CNTN4: variants seen among roughly 807,000 people sequenced by gnomAD.
The protein encoded by CNTN4 is contactin 4, also known as contactin-4.
In CNTN4, 77 loss-of-function variants were observed where a neutral mutation model predicts 122.5. The ratio of observed to expected loss-of-function variants is 0.63; its 90% confidence interval spans 0.52 to 0.76. The LOEUF is 0.76. Among genes scored for constraint, CNTN4 ranks in the 30% least tolerant of loss-of-function variants. The pLI, the probability that CNTN4 is intolerant of heterozygous loss-of-function variation, is 0.00. For synonymous variants in CNTN4, 512 were observed against 447.0 expected (o/e 1.15, Z -1.83); for missense variants, 1,256 against 1,259.1 (o/e 1.00, Z 0.04).
At chr3:2,704,071 C>T (rs546115993) in intron 4 of CNTN4, among the ~76,000 whole-genome samples, 27 of 151,392 alleles carry the variant, frequency 1.8e-4, no homozygotes, top group African/African-American at 6.1e-4. Context: ...GGCAGGCGGG[C>T]GGATCATTTG....
intron 2 of CNTN4, among the ~76,000 whole-genome samples, chr3:2,261,244 A>T: frequency 6.6e-6 from 1 of 152,094 alleles, no homozygotes; most frequent in East Asian, 1.9e-4. Context: ...CAGCATTTAT[A>T]CTATATTTGT....
chr3:2,363,979 T>C lies in CNTN4; in HGVS notation c.-89+24746T>C, dbSNP rs770821542. On this transcript the variant is annotated intron_variant, in intron 3 of 24. Coordinates refer to ENST00000418658, the MANE Select transcript of CNTN4 (RefSeq NM_175607.3). ...TTATATGATCTCTTCTTAACAATCA[T>C]TGGAGAATAGAATATTTATAACAGA... 2.6e-5 allele frequency among the ~76,000 whole-genome samples: 4 copies of C among 152,180 alleles called. No homozygotes were observed. In the East Asian group the frequency reaches 5.8e-4, roughly 22 times the overall value.
At chr3:2,862,406 T>A (rs1271300408) in intron 7 of CNTN4, among the ~76,000 whole-genome samples, 1 of 152,204 alleles carries the variant, frequency 6.6e-6, no homozygotes, top group Non-Finnish European at 1.5e-5. Flanking sequence ...ACCAATTAAG[T>A]GAGCTTCAGA....
At chr3:2,453,735 A>C (rs1297526124) in intron 3 of CNTN4, among the ~76,000 whole-genome samples, 2 of 152,184 alleles carry the variant, frequency 1.3e-5, no homozygotes, top group Non-Finnish European at 2.9e-5. Flanking sequence ...AATTCAGTTA[A>C]GACTTTATTT....
chr3:2,750,758 G>C (rs1303353199), intron 6 of CNTN4, among the ~76,000 whole-genome samples: 19 of 152,106 alleles, frequency 1.2e-4, no homozygotes, highest in Admixed American at 1.2e-3. Context: ...TAGATCCTCT[G>C]TGCCTGGCAC....
rs60033461 is a variant in CNTN4, at chr3:2,834,898, C to CTTTTTTTTTTTTTTCTTTT, written c.454+15331_454+15332insCTTTTTTTTTTTTTTTTTT. ...AAGCATTAAATTAGATAAAGGCAACCTTTTTTTTTTTTTTTTTTTTTTTTG... is the reference window on the plus strand; with the variant it reads ...AAGCATTAAATTAGATAAAGGCAACCTTTTTTTTTTTTTTCTTTTTTTTTTTTTTTTTTTTTTTTTTTTG... On this transcript the variant is annotated intron_variant, in intron 7 of 24. Transcript: ENST00000418658. Among the ~76,000 whole-genome samples the CTTTTTTTTTTTTTTCTTTT allele has an allele frequency of 7.1e-4, 43 of 60,458 alleles. 3 individuals are homozygous for CTTTTTTTTTTTTTTCTTTT. Among genetic ancestry groups the CTTTTTTTTTTTTTTCTTTT allele is most frequent in the African/African-American group, 3.2e-3 (42 of 13,268 alleles). 39.7% of individuals were successfully genotyped at this position (60,458 alleles called of 152,430 possible). A position where few individuals can be genotyped will look rare whatever the true frequency, so the allele number is the denominator to read the frequency against.
chr3:2,587,453 T>G (rs555589586), intron 4 of CNTN4, among the ~76,000 whole-genome samples: 18 of 152,212 alleles, frequency 1.2e-4, no homozygotes, highest in Non-Finnish European at 1.8e-4. Context: ...AATTTTCAAG[T>G]GGAGATAAAT....
intron 2 of CNTN4, among the ~76,000 whole-genome samples, chr3:2,194,417 C>T (rs923963937): frequency 4.6e-5 from 7 of 151,998 alleles, no homozygotes; most frequent in Admixed American, 2.0e-4. Flanking sequence ...ACCATGATCG[C>T]GCCACTGCAC....
At chr3:2,735,012 C>G (rs2088976150) in intron 4 of CNTN4, among the ~76,000 whole-genome samples, 1 of 152,110 alleles carries the variant, frequency 6.6e-6, no homozygotes, top group Non-Finnish European at 1.5e-5. Context: ...AAAGCAGATT[C>G]TTATTGATCA....
At chr3:2,305,763 C>T (rs765094385) in intron 2 of CNTN4, among the ~76,000 whole-genome samples, 1 of 152,048 alleles carries the variant, frequency 6.6e-6, no homozygotes, top group Non-Finnish European at 1.5e-5. Flanking sequence ...CCAAAGGAAA[C>T]CCAGGACCCA....
chr3:2,156,107 G>T (rs952185487), intron 2 of CNTN4, among the ~76,000 whole-genome samples: 3 of 152,254 alleles, frequency 2.0e-5, no homozygotes, highest in Middle Eastern at 3.4e-3. Context: ...GCTTCAGAAG[G>T]GGGTGTAATC....
At chr3:2,808,064 G>A (rs1033036154) in intron 6 of CNTN4, among the ~76,000 whole-genome samples, 3 of 152,018 alleles carry the variant, frequency 2.0e-5, no homozygotes, top group African/African-American at 4.8e-5. Flanking sequence ...TCACTGCCTC[G>A]GTTTATATTC....
intron 3 of CNTN4, among the ~76,000 whole-genome samples, chr3:2,528,361 A>G (rs1241891795): frequency 6.6e-6 from 1 of 152,178 alleles, no homozygotes; most frequent in Non-Finnish European, 1.5e-5. Context: ...AGAAATCAGG[A>G]ATATCAACCA....
chr3:3,036,177 AG>A (rs1699586563), intron 17 of CNTN4, among the ~76,000 whole-genome samples: 1 of 152,228 alleles, frequency 6.6e-6, no homozygotes, highest in African/African-American at 2.4e-5. Context: ...AGACAGCAAA[AG>A]TAGGCTATAT....
intron 3 of CNTN4, among the ~76,000 whole-genome samples, chr3:2,525,045 C>G (rs933705555): frequency 6.6e-6 from 1 of 151,988 alleles, no homozygotes; most frequent in Non-Finnish European, 1.5e-5. Flanking sequence ...AAATTTAGAG[C>G]CTATCCAAGT....
intron 2 of CNTN4, among the ~76,000 whole-genome samples, chr3:2,312,675 A>G (rs777577974): frequency 1.3e-5 from 2 of 152,148 alleles, no homozygotes; most frequent in African/African-American, 2.4e-5. Context: ...TTTTGAAACT[A>G]TAAATCACAT....
intron 13 of CNTN4, among the ~76,000 whole-genome samples, chr3:2,936,752 T>A (rs1392225609): frequency 6.6e-6 from 1 of 152,224 alleles, no homozygotes; most frequent in African/African-American, 2.4e-5. Context: ...CCTGTGTTTG[T>A]ACAGTTGGCA....
chr3:2,447,579 G>T (rs887290219), intron 3 of CNTN4, among the ~76,000 whole-genome samples: 6 of 151,972 alleles, frequency 3.9e-5, no homozygotes, highest in African/African-American at 1.4e-4. Flanking sequence ...AGACCTGTAA[G>T]AATATAGGAG....
intron 5 of CNTN4, among the ~76,000 whole-genome samples, chr3:2,742,003 A>G (rs1007800196): frequency 1.3e-5 from 2 of 152,238 alleles, no homozygotes; most frequent in African/African-American, 4.8e-5. Flanking sequence ...TCTGTAACAT[A>G]ATAGCAGACT....
Sources: gnomAD v4.1 joint callset for allele counts (sites outside exome capture counted in the v4.1 genomes callset) on GRCh38, gnomAD v4.1.1 for gene constraint, MANE v1.5 for transcripts, NCBI Gene and HGNC (gene_info 2026-07-23, HGNC 2026-07-21) for gene names.